The following PPFIBP2 variants were observed in gnomAD, a reference collection of about 807,000 sequenced individuals.
The protein encoded by PPFIBP2 is liprin-beta-2.
PPFIBP2 carries 118 observed loss-of-function variants against 118.3 expected under a neutral mutation model. The ratio of observed to expected loss-of-function variants is 1.00; its 90% CI spans 0.86 to 1.16. PPFIBP2 has a LOEUF of 1.16. Ranked by LOEUF, PPFIBP2 falls within the 50% of genes most tolerant of loss-of-function variation. PPFIBP2 has a pLI of 0.00. For synonymous variants in PPFIBP2, 414 were observed against 397.4 expected (o/e 1.04, Z -0.50); for missense variants, 1,195 against 1,073.1 (o/e 1.11, Z -1.59).
chr11:7,627,092 G>A (rs546849011), intron 8 of PPFIBP2, among the ~76,000 whole-genome samples: 2 of 152,336 alleles, frequency 1.3e-5, no homozygotes, highest in African/African-American at 4.8e-5. Context: ...AGGCCAGGCA[G>A]CCTTCCCAGT....
At chr11:7,581,858 A>T (rs1429002020) in intron 3 of PPFIBP2, among the ~76,000 whole-genome samples, 31 of 151,088 alleles carry the variant, frequency 2.1e-4, no homozygotes, top group Non-Finnish European at 4.1e-4. Context: ...TTTTTTTGAG[A>T]CAGAGTCTAG....
chr11:7,593,194 A>G lies in PPFIBP2; in HGVS notation c.342A>G (p.Leu114=). The G allele has an allele frequency of 1.2e-6, 2 of 1,614,056 alleles. No homozygotes were observed. Among genetic ancestry groups the G allele is most frequent in the Middle Eastern group, 1.6e-4 (1 of 6,062 alleles). ...CCTACCAGGAACGCTTGGCACGTCT[A>G]GAAGGGGATAAGGAGTCCCTCATAT... The part of the protein sequence containing the change: ...NETYQERLAR[L]EGDKESLILQ... The change falls in exon 4 of 24, where the codon CTA becomes CTG. Residue 114 remains leucine (L), a synonymous_variant. Transcript: ENST00000299492.
chr11:7,611,574 AG>A (rs1311215693), intron 6 of PPFIBP2, among the ~76,000 whole-genome samples: 1 of 152,386 alleles, frequency 6.6e-6, no homozygotes, highest in East Asian at 1.9e-4. Flanking sequence ...ATTGACTAAG[AG>A]TCCAGGCTGA....
rs369602709 is a variant in PPFIBP2 at position 7,630,901 on chromosome 11, G to A, written c.965-24G>A. The A allele has an allele frequency of 8.4e-6, 13 of 1,549,232 alleles. No homozygotes were observed. The Middle Eastern group carries it at 5.0e-4, about 60-fold the overall frequency. On this transcript the variant is annotated intron_variant, in intron 10 of 23. Transcript: ENST00000299492. ...TTCTGAACATGAATTCAACAATTCAGTCTTACTACCTTAATGCTTGCAGGG... is the reference window on the plus strand; with the variant it reads ...TTCTGAACATGAATTCAACAATTCAATCTTACTACCTTAATGCTTGCAGGG...
intron 7 of PPFIBP2, 54 bp downstream of exon 7, chr11:7,621,081 G>T (rs1279158568): frequency 1.4e-6 from 2 of 1,405,104 alleles, no homozygotes; most frequent in African/African-American, 2.8e-5. Context: ...TGTGGGGAGG[G>T]TCTGCATTCC....
downstream of PPFIBP2, among the ~76,000 whole-genome samples, chr11:7,657,850 C>T (rs1565141995): frequency 6.6e-6 from 1 of 152,214 alleles, no homozygotes. Flanking sequence ...AGTTTCTTGT[C>T]GTCTTACCAT....
the PPFIBP2 span, chr11:7,666,466 C>G: frequency 6.2e-7 from 1 of 1,612,276 alleles, no homozygotes; most frequent in Non-Finnish European, 8.5e-7. Flanking sequence ...GGAGGCCTGT[C>G]CAGGGTGTAC....
At chr11:7,594,177 T>C (rs1025724385) in intron 4 of PPFIBP2, among the ~76,000 whole-genome samples, 5 of 152,204 alleles carry the variant, frequency 3.3e-5, no homozygotes, top group African/African-American at 1.2e-4. Flanking sequence ...TTTCATTGTA[T>C]TTTATGAACA....
At chr11:7,604,269 G>A (rs1420429069) in intron 5 of PPFIBP2, among the ~76,000 whole-genome samples, 3 of 152,200 alleles carry the variant, frequency 2.0e-5, no homozygotes, top group East Asian at 1.9e-4. Flanking sequence ...CTTACATTGA[G>A]TGGATAAAGG....
intron 11 of PPFIBP2, chr11:7,632,390 C>T (rs1297260901): frequency 2.5e-5 from 4 of 161,394 alleles, no homozygotes; most frequent in Non-Finnish European, 4.1e-5. Context: ...CCAGACCTGG[C>T]ACAGGGCCTG....
At chr11:7,629,344 T>C in intron 9 of PPFIBP2, 115 bp from the exon 10 acceptor site, 2 of 1,002,692 alleles carry the variant, frequency 2.0e-6, no homozygotes, top group Middle Eastern at 4.2e-4. Context: ...TCTTTTCCTT[T>C]GGTTCCACGT....
intron 17 of PPFIBP2, among the ~76,000 whole-genome samples, chr11:7,644,984 G>A (rs1264307906): frequency 5.0e-5 from 6 of 119,180 alleles, no homozygotes; most frequent in Non-Finnish European, 6.4e-5. Flanking sequence ...CCGAGATCCC[G>A]CCACTGCACT....
rs1011226138 is a variant in PPFIBP2 at position 7,514,022 on chromosome 11, C to G, written c.-136C>G. 6.6e-6 allele frequency: 1 copy of G among 152,266 alleles called. No individual in the cohort carries two copies. Among genetic ancestry groups the G allele is most frequent in the Non-Finnish European group, 1.5e-5 (1 of 68,092 alleles). The allele number at this position is 152,266 out of a possible 1,614,324, so 9.4% of individuals were successfully genotyped here. A position where few individuals can be genotyped will look rare whatever the true frequency, so the allele number is the denominator to read the frequency against. On this transcript the variant is annotated 5_prime_UTR_variant, in exon 1 of 24. Coordinates refer to ENST00000299492, the MANE Select transcript of PPFIBP2 (RefSeq NM_003621.5). ...GCAGTTGGTCGGTGGGCCAGTGGCC[C>G]GTCGCTCGCTTCTGGGCTCTCATGT... is the stretch of plus-strand genomic sequence containing the variant.
chr11:7,529,347 T>G (rs897548190), intron 1 of PPFIBP2, among the ~76,000 whole-genome samples: 5 of 152,202 alleles, frequency 3.3e-5, no homozygotes, highest in African/African-American at 1.2e-4. Flanking sequence ...ATCGGCTCCA[T>G]GAAAAATGCA....
intron 1 of PPFIBP2, among the ~76,000 whole-genome samples, chr11:7,543,814 C>T (rs114377990): frequency 0.013 from 1,944 of 152,272 alleles, 64 homozygotes; most frequent in African/African-American, 0.045. Context: ...TCAGAACATA[C>T]CAGATGATGG....
chr11:7,666,064 G>C, the PPFIBP2 span: 1 of 706,070 alleles, frequency 1.4e-6, no homozygotes, highest in Non-Finnish European at 2.5e-6. Flanking sequence ...GCATGTCCAG[G>C]TGAGGTGGGC....
Position 7,629,424 on chromosome 11 carries a change from A to G in PPFIBP2, c.889-35A>G, listed in dbSNP as rs771864191. On this transcript the variant is annotated intron_variant, in intron 9 of 23. Transcript: ENST00000299492. ...ATGAAATCATCTGAGATGCCAGCAT[A>G]GCATTAATCTAAATCTCTACTTGCA... 6 of 1,591,168 alleles carry G rather than the reference A, an allele frequency of 3.8e-6. No individual in the cohort carries two copies. The Admixed American group carries it at 6.7e-5, about 18-fold the overall frequency.
chr11:7,574,397 C>A (rs1288792819), intron 3 of PPFIBP2, among the ~76,000 whole-genome samples: 2 of 152,124 alleles, frequency 1.3e-5, no homozygotes, highest in Non-Finnish European at 2.9e-5. Context: ...CCCCGAGCTC[C>A]CAATAACAAG....
Position 7,643,827 on chromosome 11 carries a change from T to A in PPFIBP2, c.1646+1401T>A, listed in dbSNP as rs555589509. Among the ~76,000 whole-genome samples, 23 of 152,316 alleles carry A rather than the reference T, an allele frequency of 1.5e-4. No homozygotes were observed. The East Asian group carries it at 2.3e-3, about 15-fold the overall frequency. On this transcript the variant is annotated intron_variant, in intron 17 of 23. Coordinates refer to ENST00000299492, the MANE Select transcript of PPFIBP2 (RefSeq NM_003621.5). ...TTCAATAAAACAATTGATTTTTTTTTAAATATGATATTTGATAACATTGTG... is the reference window on the plus strand; with the variant it reads ...TTCAATAAAACAATTGATTTTTTTTAAAATATGATATTTGATAACATTGTG...
Sources: gnomAD v4.1 joint callset for allele counts (sites outside exome capture counted in the v4.1 genomes callset) on GRCh38, gnomAD v4.1.1 for gene constraint, MANE v1.5 for transcripts, NCBI Gene and HGNC (gene_info 2026-07-23, HGNC 2026-07-21) for gene names.